Variants in DLG2 observed in about 807,000 individuals in gnomAD.
DLG2 encodes disks large homolog 2.
Under a neutral mutation model 132.5 loss-of-function variants are expected in DLG2, and 45 were observed. The ratio of observed to expected loss-of-function variants is 0.34; its 90% CI spans 0.27 to 0.44. DLG2 has a LOEUF of 0.44. Among genes scored for constraint, DLG2 ranks in the 20% least tolerant of loss-of-function variants. DLG2 has a pLI of 1.00. For missense variants in DLG2, 1,045 were observed against 1,196.9 expected (o/e 0.87, Z 1.87); for synonymous variants, 424 against 419.6 (o/e 1.01, Z -0.13).
chr11:84,189,719 G>C (rs1430220567), intron 8 of DLG2, among the ~76,000 whole-genome samples: 1 of 152,116 alleles, frequency 6.6e-6, no homozygotes, highest in Non-Finnish European at 1.5e-5. Flanking sequence ...ACTAATGCAG[G>C]AACAGAAAAC....
At chr11:84,300,980 T>C (rs1259321922) in intron 7 of DLG2, among the ~76,000 whole-genome samples, 1 of 152,218 alleles carries the variant, frequency 6.6e-6, no homozygotes, top group Non-Finnish European at 1.5e-5. Context: ...CCTAGTGTTT[T>C]GTCTTGTGTT....
chr11:85,023,820 A>G (rs2060286922), intron 6 of DLG2, among the ~76,000 whole-genome samples: 1 of 152,108 alleles, frequency 6.6e-6, no homozygotes, highest in Non-Finnish European at 1.5e-5. Context: ...TGCTTCATTT[A>G]TATTATTTCA....
intron 4 of DLG2, among the ~76,000 whole-genome samples, chr11:85,254,113 G>A (rs1337057456): frequency 6.6e-6 from 1 of 152,130 alleles, no homozygotes; most frequent in Non-Finnish European, 1.5e-5. Context: ...TTGGCTTGAG[G>A]GTGGGGCCCT....
chr11:84,174,105 T>A (rs1415047854), intron 8 of DLG2, among the ~76,000 whole-genome samples: 1 of 149,812 alleles, frequency 6.7e-6, no homozygotes, highest in East Asian at 1.9e-4. Context: ...CTTGCCTAAT[T>A]GTAACCATAA....
intron 25 of DLG2, among the ~76,000 whole-genome samples, chr11:83,467,771 G>GTATATATATATATATATATA (rs1192401405): frequency 1.2e-5 from 1 of 85,060 alleles, no homozygotes; most frequent in East Asian, 3.9e-4. Context: ...AAAACTATAT[G>GTATATATATATATATATATA]TATATATATA....
At chr11:83,803,418 T>A (rs186390782) in intron 17 of DLG2, among the ~76,000 whole-genome samples, 1 of 152,074 alleles carries the variant, frequency 6.6e-6, no homozygotes, top group African/African-American at 2.4e-5. Flanking sequence ...CAATCAGGCA[T>A]AGTGAAAAAA....
intron 6 of DLG2, among the ~76,000 whole-genome samples, chr11:84,793,842 T>C (rs2074207093): frequency 6.6e-6 from 1 of 152,244 alleles, no homozygotes; most frequent in African/African-American, 2.4e-5. Context: ...TTGCTTTTTA[T>C]GCATTCAGCC....
intron 6 of DLG2, among the ~76,000 whole-genome samples, chr11:84,869,553 T>A (rs1041034095): frequency 7.2e-5 from 11 of 152,194 alleles, no homozygotes; most frequent in Non-Finnish European, 1.5e-4. Flanking sequence ...TCTACAAATA[T>A]TACATATTTT....
intron 22 of DLG2, among the ~76,000 whole-genome samples, chr11:83,474,834 T>G (rs987978561): frequency 6.6e-6 from 1 of 152,174 alleles, no homozygotes; most frequent in Non-Finnish European, 1.5e-5. Context: ...CATAAAAATC[T>G]CTTCCCAATG....
At chr11:84,511,514 A>C (rs1306201435) in intron 7 of DLG2, among the ~76,000 whole-genome samples, 1 of 152,188 alleles carries the variant, frequency 6.6e-6, no homozygotes, top group Non-Finnish European at 1.5e-5. Flanking sequence ...ATCTGAAATA[A>C]TGCCTATACT....
intron 9 of DLG2, among the ~76,000 whole-genome samples, chr11:84,117,979 C>T (rs866507893): frequency 1.1e-4 from 16 of 152,000 alleles, no homozygotes; most frequent in Non-Finnish European, 2.1e-4. Flanking sequence ...CCTCAGCTTC[C>T]GGAGTAGCTG....
At chr11:84,691,807 A>G (rs116316424) in intron 6 of DLG2, among the ~76,000 whole-genome samples, 193 of 151,858 alleles carry the variant, frequency 1.3e-3, no homozygotes, top group African/African-American at 4.2e-3. Flanking sequence ...AATAGTTACC[A>G]TTTTTAAAAA....
intron 7 of DLG2, among the ~76,000 whole-genome samples, chr11:84,501,582 A>C (rs1462583294): frequency 6.6e-6 from 1 of 152,082 alleles, no homozygotes; most frequent in East Asian, 1.9e-4. Flanking sequence ...AAGAAGAAAA[A>C]ATTTATTACC....
At chr11:85,616,159 C>T (rs1459221971) in intron 2 of DLG2, among the ~76,000 whole-genome samples, 2 of 152,158 alleles carry the variant, frequency 1.3e-5, no homozygotes, top group East Asian at 3.9e-4. Context: ...TGATGCCATT[C>T]ACTTGTTCAA....
At chr11:83,651,083 C>T (rs1480404493) in intron 18 of DLG2, among the ~76,000 whole-genome samples, 2 of 151,996 alleles carry the variant, frequency 1.3e-5, no homozygotes, top group African/African-American at 4.8e-5. Flanking sequence ...ATACCTGTTT[C>T]CCCTGCCAGC....
rs114197790 is a variant in DLG2, at chr11:83,917,901, T to G, written c.1496+12427A>C. On this transcript the variant is annotated intron_variant, in intron 15 of 27. Coordinates refer to ENST00000376104, the MANE Select transcript of DLG2 (RefSeq NM_001142699.3). ...TTATTACTAGAGGAAAATCTACAAT[T>G]CGATTCTGGCTGTTCTTGAAGTTCA... is the stretch of plus-strand genomic sequence containing the variant. Among the ~76,000 whole-genome samples the G allele has an allele frequency of 4.2e-3, 638 of 152,284 alleles. 4 individuals carry two copies. The highest frequency in any genetic ancestry group is 0.015 in the African/African-American group (609 of 41,556).
intron 21 of DLG2, among the ~76,000 whole-genome samples, chr11:83,530,926 C>A (rs1244059204): frequency 6.6e-6 from 1 of 151,808 alleles, no homozygotes; most frequent in African/African-American, 2.4e-5. Flanking sequence ...TTGCAATGAA[C>A]AATCCAAAAA....
chr11:85,494,230 T>C (rs1565580837), intron 3 of DLG2, among the ~76,000 whole-genome samples: 1 of 152,226 alleles, frequency 6.6e-6, no homozygotes, highest in Non-Finnish European at 1.5e-5. Flanking sequence ...AACCTTACTG[T>C]CTTTTATTTT....
intron 3 of DLG2, among the ~76,000 whole-genome samples, chr11:85,542,462 T>C (rs150017540): frequency 0.01 from 1,535 of 152,272 alleles, 34 homozygotes; most frequent in African/African-American, 0.035. Flanking sequence ...TAGGACAAAA[T>C]ACATTTTGTT....
Sources: gnomAD v4.1 joint callset for allele counts (sites outside exome capture counted in the v4.1 genomes callset) on GRCh38, gnomAD v4.1.1 for gene constraint, MANE v1.5 for transcripts, NCBI Gene and HGNC (gene_info 2026-07-23, HGNC 2026-07-21) for gene names.